SDK1: variants seen among roughly 807,000 people sequenced by gnomAD.
SDK1 encodes protein sidekick-1.
Under a neutral mutation model 245.5 loss-of-function variants are expected in SDK1, and 157 were observed. The ratio of observed to expected loss-of-function variants is 0.64; its 90% CI spans 0.56 to 0.73. The LOEUF is 0.73. SDK1 is among the 30% of genes least tolerant of loss of function. The pLI is 0.00. For synonymous variants in SDK1, 1,647 were observed against 1,278.5 expected, an observed-to-expected ratio of 1.29 and a Z score of -6.15; for missense variants, 3,583 against 3,002.3, an observed-to-expected ratio of 1.19 and a Z score of -4.52.
chr7:4,227,306 C>G (rs991290438), intron 40 of SDK1: 22 of 462,668 alleles, frequency 4.8e-5, no homozygotes, highest in African/African-American at 4.2e-4. Flanking sequence ...GTGTTTCTGA[C>G]AGCTTGTCAG....
rs1562872726 is a variant in SDK1 at position 4,139,691 on chromosome 7, ATGTGTGTGTGTGTATGTG to A, written c.4229-6019_4229-6002del. Among the ~76,000 whole-genome samples the A allele has an allele frequency of 1.5e-3, 164 of 110,462 alleles. 6 individuals carry two copies. In the South Asian group the frequency reaches 0.029, roughly 20 times the overall value. 72.5% of individuals were successfully genotyped at this position (110,462 alleles called of 152,430 possible). A position where few individuals can be genotyped will look rare whatever the true frequency, so the allele number is the denominator to read the frequency against. On this transcript the variant is annotated intron_variant, in intron 28 of 44. Coordinates refer to ENST00000404826, the MANE Select transcript of SDK1 (RefSeq NM_152744.4). ...TGTGTGTGTATATGTGTGTGTGTGTATGTGTGTGTGTGTATGTGTGTGTGTGTGTATGTGTGTGTGTGT... is the reference window on the plus strand; with the variant it reads ...TGTGTGTGTATATGTGTGTGTGTGTATGTGTGTGTGTATGTGTGTGTGTGT...
intron 1 of SDK1, among the ~76,000 whole-genome samples, chr7:3,322,515 A>G (rs947845181): frequency 2.6e-5 from 4 of 152,118 alleles, no homozygotes; most frequent in African/African-American, 9.7e-5. Context: ...ACTGGGTCAT[A>G]TGGCAATCCT....
intron 37 of SDK1, among the ~76,000 whole-genome samples, chr7:4,209,078 G>A (rs565380395): frequency 1.3e-5 from 2 of 152,336 alleles, no homozygotes; most frequent in East Asian, 3.9e-4. Flanking sequence ...ATGGACTCCG[G>A]GAATCAGGGC....
chr7:3,473,867 C>T (rs1781259220), intron 1 of SDK1, among the ~76,000 whole-genome samples: 1 of 151,848 alleles, frequency 6.6e-6, no homozygotes, highest in African/African-American at 2.4e-5. Context: ...TTTTCCTCTC[C>T]AAATTCGCGT....
intron 1 of SDK1, among the ~76,000 whole-genome samples, chr7:3,407,244 A>C (rs894721176): frequency 2.6e-5 from 4 of 152,250 alleles, no homozygotes; most frequent in African/African-American, 9.6e-5. Context: ...CATAGATCCC[A>C]GCAGGAATTT....
At chr7:3,432,326 A>C (rs890716812) in intron 1 of SDK1, among the ~76,000 whole-genome samples, 1 of 151,928 alleles carries the variant, frequency 6.6e-6, no homozygotes, top group Non-Finnish European at 1.5e-5. Context: ...ATCCTGCCCC[A>C]GTCAAGAATG....
intron 19 of SDK1, among the ~76,000 whole-genome samples, chr7:4,052,901 A>C (rs1263972198): frequency 6.6e-6 from 1 of 151,966 alleles, no homozygotes; most frequent in Non-Finnish European, 1.5e-5. Flanking sequence ...AGCCTGGCCA[A>C]GATGGTGAAA....
chr7:4,265,300 C>T lies in SDK1; in HGVS notation c.6558C>T (p.Ile2186=). 6 of 1,574,868 alleles carry T rather than the reference C, an allele frequency of 3.8e-6. No homozygotes were observed. The highest frequency in any genetic ancestry group is 5.1e-6 in the Non-Finnish European group (6 of 1,168,450). ...CGGGCGCGCAGCTGCACCCGGTCAT[C>T]ACCACGCAGAGCGCGGGCGGCGTCT... The part of the protein sequence containing the change: ...SEAGAQLHPV[I]TTQSAGGVYT... Residue 2186 remains isoleucine, a synonymous_variant, in exon 45 of 45, where the codon ATC becomes ATT. Coordinates refer to ENST00000404826, the MANE Select transcript of SDK1 (RefSeq NM_152744.4).
rs1416644186 is a variant in SDK1 at position 4,110,638 on chromosome 7, C to T, written c.3325-25C>T. ...CTCAGTCCCTAAGGCATGTCCAGCC[C>T]ATCTCAGTGTCTCCCTCTGCACAGG... is the stretch of plus-strand genomic sequence containing the variant. On this transcript the variant is annotated intron_variant, in intron 22 of 44. Transcript: ENST00000404826. 27 of 1,516,608 alleles carry T rather than the reference C, an allele frequency of 1.8e-5. 1 individual carries two copies. Among genetic ancestry groups the T allele is most frequent in the Non-Finnish European group, 2.4e-5 (26 of 1,092,372 alleles). The allele number at this position is 1,516,608 out of a possible 1,614,324, so 93.9% of individuals were successfully genotyped here.
intron 19 of SDK1, among the ~76,000 whole-genome samples, chr7:4,063,911 C>T (rs888282273): frequency 2.0e-5 from 3 of 151,802 alleles, no homozygotes; most frequent in Admixed American, 6.6e-5. Flanking sequence ...TGCAGAAGAT[C>T]GAAATTAAAA....
intron 1 of SDK1, among the ~76,000 whole-genome samples, chr7:3,419,996 G>T (rs150260565): frequency 6.6e-6 from 1 of 152,194 alleles, no homozygotes; most frequent in East Asian, 1.9e-4. Flanking sequence ...CAACCTCTGT[G>T]ACTGTGAAAC....
intron 17 of SDK1, among the ~76,000 whole-genome samples, chr7:4,037,394 G>A (rs1455189309): frequency 6.6e-6 from 1 of 152,110 alleles, no homozygotes; most frequent in African/African-American, 2.4e-5. Flanking sequence ...TGAGGTGGGG[G>A]GATCAGTGGA....
intron 4 of SDK1, among the ~76,000 whole-genome samples, chr7:3,791,439 C>T (rs1781086690): frequency 1.3e-5 from 2 of 152,336 alleles, no homozygotes; most frequent in South Asian, 4.1e-4. Context: ...GAAAGACTGA[C>T]TTCGTGGCAG....
At chr7:3,959,078 C>T in intron 8 of SDK1, 64 bp downstream of exon 8, 1 of 1,242,604 alleles carries the variant, frequency 8.0e-7, no homozygotes, top group South Asian at 1.2e-5. Context: ...AACCTTTTTC[C>T]ATAGCAGAAT....
At chr7:3,784,383 A>T (rs1439050122) in intron 4 of SDK1, among the ~76,000 whole-genome samples, 2 of 152,140 alleles carry the variant, frequency 1.3e-5, no homozygotes, top group Non-Finnish European at 2.9e-5. Flanking sequence ...CTCAAAATGG[A>T]TTAAAGTCTT....
Position 4,199,706 on chromosome 7 carries a change from G to A in SDK1, c.5099-6173G>A, listed in dbSNP as rs531079317. ...GGGCTATGGAAGGAGAGTGTCCCCT[G>A]TCCCAGCTGCCACACCTGTGCTGCT... On this transcript the variant is annotated intron_variant, in intron 35 of 44. Coordinates refer to ENST00000404826, the MANE Select transcript of SDK1 (RefSeq NM_152744.4). Among the ~76,000 whole-genome samples the A allele has an allele frequency of 5.3e-5, 8 of 152,258 alleles. No individual in the cohort carries two copies. In the South Asian group the frequency reaches 1.7e-3, roughly 32 times the overall value.
rs71029672 is a variant in SDK1, at chr7:3,435,321, C to CTTTTTTTTTTTTTTTT, written c.298+133449_298+133464dup. Reference sequence around the variant, plus strand: ...ATACTTGACTTATGAAGGGGACTGCCTTTTTTTTTTTTTTTTTTTTTTTTT... The same window carrying CTTTTTTTTTTTTTTTT: ...ATACTTGACTTATGAAGGGGACTGCCTTTTTTTTTTTTTTTTTTTTTTTTTTTTTTTTTTTTTTTTT... On this transcript the variant is annotated intron_variant, in intron 1 of 44. Coordinates refer to ENST00000404826, the MANE Select transcript of SDK1 (RefSeq NM_152744.4). Among the ~76,000 whole-genome samples, 85 of 56,896 alleles carry CTTTTTTTTTTTTTTTT rather than the reference C, an allele frequency of 1.5e-3. 12 individuals carry two copies. The highest frequency in any genetic ancestry group is 4.3e-3 in the African/African-American group (47 of 10,992). The allele number at this position is 56,896 out of a possible 152,430, so 37.3% of individuals were successfully genotyped here.
chr7:4,163,666 G>A (rs1315145740), intron 32 of SDK1, among the ~76,000 whole-genome samples: 1 of 152,198 alleles, frequency 6.6e-6, no homozygotes, highest in Non-Finnish European at 1.5e-5. Flanking sequence ...GGCCGGGAGA[G>A]AGACGTGCTG....
At chr7:3,382,154 A>G (rs941557008) in intron 1 of SDK1, among the ~76,000 whole-genome samples, 7 of 151,016 alleles carry the variant, frequency 4.6e-5, no homozygotes, top group African/African-American at 1.7e-4. Context: ...TTTTTTGTGT[A>G]GAGACAGGGT....
Sources: gnomAD v4.1 joint callset for allele counts (sites outside exome capture counted in the v4.1 genomes callset) on GRCh38, gnomAD v4.1.1 for gene constraint, MANE v1.5 for transcripts, NCBI Gene and HGNC (gene_info 2026-07-23, HGNC 2026-07-21) for gene names.